The following SMARCAD1 variants were observed in gnomAD, a reference collection of about 807,000 sequenced individuals.
The protein encoded by SMARCAD1 is SWI/SNF-related matrix-associated actin-dependent regulator of chromatin subfamily A containing DEAD/H box 1.
In SMARCAD1, 25 loss-of-function variants were observed where a neutral mutation model predicts 127.1. The ratio of observed to expected loss-of-function variants is 0.20; its 90% CI spans 0.14 to 0.27. The LOEUF is 0.27. SMARCAD1 is among the 10% of genes least tolerant of loss of function. The probability of loss-of-function intolerance (pLI) is 1.00; values close to 1 mark genes in which losing one functional copy is unlikely to be tolerated. For missense variants in SMARCAD1, 807 were observed against 1,206.0 expected, an observed-to-expected ratio of 0.67 and a Z score of 4.90; for synonymous variants, 400 against 396.9, an observed-to-expected ratio of 1.01 and a Z score of -0.09.
intron 6 of SMARCAD1, among the ~76,000 whole-genome samples, chr4:94,244,525 G>T (rs1748108030): frequency 6.6e-6 from 1 of 152,090 alleles, no homozygotes; most frequent in Non-Finnish European, 1.5e-5. Context: ...AGGATTTAAG[G>T]CTCCTAAAGG....
At chr4:94,255,503 G>GTA (rs1468208839) in intron 9 of SMARCAD1, among the ~76,000 whole-genome samples, 2 of 151,840 alleles carry the variant, frequency 1.3e-5, no homozygotes, top group African/African-American at 4.8e-5. Flanking sequence ...TTGAAAAGTT[G>GTA]TAGATCATTG....
chr4:94,221,672 A>G (rs1464227067), intron 2 of SMARCAD1, among the ~76,000 whole-genome samples: 2 of 152,212 alleles, frequency 1.3e-5, no homozygotes, highest in Non-Finnish European at 2.9e-5. Flanking sequence ...TGGCTTGGAT[A>G]TATAGTTTTC....
At chr4:94,237,791 C>T (rs115235470) in intron 5 of SMARCAD1, among the ~76,000 whole-genome samples, 1,663 of 152,192 alleles carry the variant, frequency 0.011, 30 homozygotes, top group African/African-American at 0.037. Flanking sequence ...TTAGCACTTA[C>T]GTTTTCATTA....
chr4:94,218,985 T>C (rs1248992907), intron 2 of SMARCAD1, among the ~76,000 whole-genome samples: 1 of 151,838 alleles, frequency 6.6e-6, no homozygotes, highest in Non-Finnish European at 1.5e-5. Context: ...CTAATTTTTG[T>C]GTTTTTAGTA....
At chr4:94,253,614 G>C (rs1749617102) in intron 9 of SMARCAD1, 1 of 1,030,222 alleles carries the variant, frequency 9.7e-7, no homozygotes, top group Non-Finnish European at 1.2e-6. Context: ...TGGAAAGATA[G>C]AAAAATTTCT....
At chr4:94,240,763 C>G (rs1279671278) in intron 5 of SMARCAD1, 143 bp from the exon 6 acceptor site, 1 of 663,482 alleles carries the variant, frequency 1.5e-6, no homozygotes, top group Non-Finnish European at 2.8e-6. Flanking sequence ...TCAATTCAGT[C>G]ATATGTAGAA....
chr4:94,230,853 A>T (rs1362943913), intron 3 of SMARCAD1, among the ~76,000 whole-genome samples: 2 of 152,172 alleles, frequency 1.3e-5, no homozygotes, highest in African/African-American at 4.8e-5. Context: ...CCTGTTACAG[A>T]GATTCAGAAG....
intron 11 of SMARCAD1, 111 bp downstream of exon 11, chr4:94,270,929 C>T: frequency 1.2e-6 from 1 of 820,622 alleles, no homozygotes; most frequent in Non-Finnish European, 2.1e-6. Flanking sequence ...ACTACTGCCA[C>T]CTCAGTACCT....
chr4:94,210,732 A>G (rs1742080495), intron 2 of SMARCAD1, among the ~76,000 whole-genome samples: 1 of 151,750 alleles, frequency 6.6e-6, no homozygotes, highest in Non-Finnish European at 1.5e-5. Context: ...CTGAGATCAC[A>G]AGACCAGCCT....
At chr4:94,284,330 A>AAG (rs1754559493) in intron 22 of SMARCAD1, among the ~76,000 whole-genome samples, 1 of 94,102 alleles carries the variant, frequency 1.1e-5, no homozygotes, top group African/African-American at 3.5e-5. Context: ...CCGTCTCAAA[A>AAG]AAAAAAAAAA....
chr4:94,282,459 T>C (rs1754246749), intron 21 of SMARCAD1, among the ~76,000 whole-genome samples: 1 of 152,026 alleles, frequency 6.6e-6, no homozygotes, highest in Admixed American at 6.6e-5. Context: ...TAAATTTTTT[T>C]CAAAGTCTAA....
In SMARCAD1 at chr4:94,290,200, A is replaced by G. The variant is rs1043782738; in HGVS notation, c.*666A>G. 3.5e-5 allele frequency: 16 copies of G among 454,360 alleles called. No homozygotes were observed. The highest frequency in any genetic ancestry group is 6.8e-4 in the Middle Eastern group (1 of 1,466). The allele number at this position is 454,360 out of a possible 1,614,324, so 28.1% of individuals were successfully genotyped here. A position where few individuals can be genotyped will look rare whatever the true frequency, so the allele number is the denominator to read the frequency against. ...GTGAATAGTAACTAAAGAAGCCCCT[A>G]CCTTGCTCCATGGATTAATTCCTTC... On this transcript the variant is annotated 3_prime_UTR_variant, in exon 24 of 24. Coordinates refer to ENST00000354268, the MANE Select transcript of SMARCAD1 (RefSeq NM_020159.5).
chr4:94,253,338 G>T (rs1389247954), intron 9 of SMARCAD1: 2 of 1,322,550 alleles, frequency 1.5e-6, no homozygotes, highest in East Asian at 4.9e-5. Flanking sequence ...TTGCTAGCCT[G>T]TTCTGATCTG....
intron 9 of SMARCAD1, among the ~76,000 whole-genome samples, chr4:94,260,803 C>T (rs1486782151): frequency 6.6e-5 from 10 of 152,096 alleles, no homozygotes. Flanking sequence ...TCACCCCCAC[C>T]TTTTAACCCT....
chr4:94,246,467 A>G (rs1001276772), intron 6 of SMARCAD1, among the ~76,000 whole-genome samples: 1 of 152,128 alleles, frequency 6.6e-6, no homozygotes, highest in African/African-American at 2.4e-5. Context: ...CAAGCAGTAC[A>G]CACCCTAATG....
At chr4:94,274,412 G>A (rs999636793) in intron 12 of SMARCAD1, among the ~76,000 whole-genome samples, 62 of 152,068 alleles carry the variant, frequency 4.1e-4, no homozygotes, top group African/African-American at 1.4e-3. Flanking sequence ...CGCAACCTCC[G>A]CCTCCCAGGT....
chr4:94,286,128 A>T (rs922814503), intron 23 of SMARCAD1, among the ~76,000 whole-genome samples: 1 of 152,166 alleles, frequency 6.6e-6, no homozygotes, highest in African/African-American at 2.4e-5. Context: ...ATTTCCTCAG[A>T]GGGAAATTTT....
Position 94,280,587 on chromosome 4 carries a change from T to C in SMARCAD1, c.2419-5T>C. On this transcript the variant is annotated splice_polypyrimidine_tract_variant and splice_region_variant and intron_variant, in intron 19 of 23. Coordinates refer to ENST00000354268, the MANE Select transcript of SMARCAD1 (RefSeq NM_020159.5). ...GAAGTATACTGTGTTTTGTTTTGTT[T>C]TAAGGAACCTACACATTGTGAGGCT... is the stretch of plus-strand genomic sequence containing the variant. 1.2e-6 allele frequency: 2 copies of C among 1,612,886 alleles called. No individual in the cohort carries two copies. The highest frequency in any genetic ancestry group is 1.7e-6 in the Non-Finnish European group (2 of 1,179,476).
intron 2 of SMARCAD1, among the ~76,000 whole-genome samples, chr4:94,217,345 C>G (rs1247369892): frequency 1.3e-5 from 2 of 152,020 alleles, no homozygotes; most frequent in Non-Finnish European, 2.9e-5. Context: ...TTGTTTGCAT[C>G]TTTGGGTCTG....
Sources: allele counts gnomAD v4.1 joint callset (sites outside exome capture counted in the v4.1 genomes callset), GRCh38; gene constraint gnomAD v4.1.1; transcripts MANE v1.5; gene names NCBI Gene and HGNC (gene_info 2026-07-23, HGNC 2026-07-21).